Variants in SEMA6D observed in about 807,000 individuals in gnomAD.
The protein encoded by SEMA6D is semaphorin 6D.
A neutral mutation model predicts 106.6 loss-of-function variants in SEMA6D; 35 were observed. That is an observed-to-expected ratio of 0.33 (90% confidence interval 0.25 to 0.44). The LOEUF (loss-of-function observed/expected upper bound fraction) is 0.44, where lower values mean the gene tolerates loss of function less well. SEMA6D is among the 20% of genes least tolerant of loss of function. The probability of loss-of-function intolerance (pLI) is 1.00; values close to 1 mark genes in which losing one functional copy is unlikely to be tolerated. For synonymous variants in SEMA6D, 499 were observed against 487.7 expected, an observed-to-expected ratio of 1.02 and a Z score of -0.31; for missense variants, 1,185 against 1,345.9, an observed-to-expected ratio of 0.88 and a Z score of 1.87.
At chr15:47,677,188 T>C (rs1596604129) in intron 4 of SEMA6D, among the ~76,000 whole-genome samples, 1 of 151,958 alleles carries the variant, frequency 6.6e-6, no homozygotes, top group Non-Finnish European at 1.5e-5. Context: ...GACCTGGAGG[T>C]TGGGGACCCC....
intron 2 of SEMA6D, among the ~76,000 whole-genome samples, chr15:47,413,950 C>T (rs527675985): frequency 1.3e-5 from 2 of 152,262 alleles, no homozygotes; most frequent in South Asian, 4.1e-4. Flanking sequence ...TTTGGAAATT[C>T]AGCATTCATA....
chr15:47,453,936 C>T (rs1268523363), intron 2 of SEMA6D, among the ~76,000 whole-genome samples: 1 of 151,944 alleles, frequency 6.6e-6, no homozygotes, highest in Non-Finnish European at 1.5e-5. Flanking sequence ...TATTGATGCT[C>T]TTTTTGGCCA....
chr15:47,370,683 TAAAAA>T (rs376454672), intron 1 of SEMA6D, among the ~76,000 whole-genome samples: 11 of 95,178 alleles, frequency 1.2e-4, no homozygotes, highest in African/African-American at 3.2e-4. Flanking sequence ...CGTCTCTACT[TAAAAA>T]AAAAAAAAAA....
At chr15:47,678,625 A>G (rs557222900) in intron 4 of SEMA6D, among the ~76,000 whole-genome samples, 1 of 152,222 alleles carries the variant, frequency 6.6e-6, no homozygotes, top group Non-Finnish European at 1.5e-5. Context: ...TGGGAGTGGC[A>G]AAGTACTGAT....
At chr15:47,430,936 T>A (rs2041502303) in intron 2 of SEMA6D, among the ~76,000 whole-genome samples, 1 of 152,138 alleles carries the variant, frequency 6.6e-6, no homozygotes, top group African/African-American at 2.4e-5. Context: ...TCATGAGCCC[T>A]AGCCACGGAG....
chr15:47,721,344 GCATTGAATCTGTC>G (rs2079410762), intron 1 of SEMA6D, among the ~76,000 whole-genome samples: 1 of 152,160 alleles, frequency 6.6e-6, no homozygotes, highest in Non-Finnish European at 1.5e-5. Context: ...TGTAATTCAC[GCATTGAATCTGTC>G]CTTAGAGTGA....
intron 1 of SEMA6D, among the ~76,000 whole-genome samples, chr15:47,260,537 T>A (rs939001727): frequency 6.6e-6 from 1 of 152,124 alleles, no homozygotes; most frequent in Non-Finnish European, 1.5e-5. Context: ...CAGTGTCTTC[T>A]GGAGGGGAAA....
chr15:47,199,288 G>T lies in SEMA6D; in HGVS notation c.-239+14870G>T, dbSNP rs144761603. 3.1e-3 allele frequency among the ~76,000 whole-genome samples: 476 copies of T among 152,216 alleles called. 4 individuals carry two copies. Among genetic ancestry groups the T allele is most frequent in the African/African-American group, 0.011 (464 of 41,532 alleles). On this transcript the variant is annotated intron_variant, in intron 1 of 19. Coordinates refer to the SEMA6D transcript ENST00000558014. The stretch of plus-strand genomic sequence containing the variant: ...TTCAGCTGCTCTCATTACCAGCCAT[G>T]AATTACACCACCTGGAGAACTGCAA...
At chr15:47,449,345 A>G (rs1188893733) in intron 2 of SEMA6D, among the ~76,000 whole-genome samples, 1 of 152,094 alleles carries the variant, frequency 6.6e-6, no homozygotes, top group African/African-American at 2.4e-5. Flanking sequence ...GCTGGTGTCC[A>G]TTGGTCTAGA....
At chr15:47,216,702 G>A (rs1215941086) in intron 1 of SEMA6D, among the ~76,000 whole-genome samples, 1 of 151,890 alleles carries the variant, frequency 6.6e-6, no homozygotes, top group African/African-American at 2.4e-5. Flanking sequence ...GGACAAAAAA[G>A]ATAAATACTT....
At chr15:47,652,976 C>T (rs962610888) in intron 4 of SEMA6D, among the ~76,000 whole-genome samples, 3 of 152,182 alleles carry the variant, frequency 2.0e-5, no homozygotes, top group Admixed American at 2.0e-4. Context: ...ATACAAGAGC[C>T]TAGCACTCCT....
At chr15:47,734,068 G>C (rs1030211253) in intron 1 of SEMA6D, among the ~76,000 whole-genome samples, 3 of 152,128 alleles carry the variant, frequency 2.0e-5, no homozygotes, top group African/African-American at 4.8e-5. Context: ...GGGGTGGGAA[G>C]GTTTATCATG....
At chr15:47,351,124 A>G (rs1484120987) in intron 1 of SEMA6D, among the ~76,000 whole-genome samples, 12 of 152,140 alleles carry the variant, frequency 7.9e-5, no homozygotes, top group Non-Finnish European at 1.2e-4. Context: ...GTTTCTCTGC[A>G]TATCGCCTTC....
chr15:47,598,963 C>T (rs964553980), intron 3 of SEMA6D, among the ~76,000 whole-genome samples: 3 of 152,054 alleles, frequency 2.0e-5, no homozygotes, highest in South Asian at 2.1e-4. Context: ...CACAGCCTGA[C>T]GTCACTTTTC....
At chr15:47,516,750 G>A (rs1182662725) in intron 3 of SEMA6D, among the ~76,000 whole-genome samples, 1 of 152,130 alleles carries the variant, frequency 6.6e-6, no homozygotes, top group African/African-American at 2.4e-5. Flanking sequence ...TCATCAAAGT[G>A]ATGCGTATTG....
intron 4 of SEMA6D, among the ~76,000 whole-genome samples, chr15:47,633,078 G>A (rs1364034454): frequency 1.3e-5 from 2 of 151,992 alleles, no homozygotes; most frequent in Non-Finnish European, 2.9e-5. Flanking sequence ...ATTACCTTAA[G>A]TATATTCTCT....
At chr15:47,370,482 T>G (rs2039227871) in intron 1 of SEMA6D, among the ~76,000 whole-genome samples, 1 of 151,948 alleles carries the variant, frequency 6.6e-6, no homozygotes, top group Admixed American at 6.6e-5. Context: ...GCCACTGCAC[T>G]GCAGCCTGGG....
chr15:47,769,288 G>C (rs554024235), intron 18 of SEMA6D, among the ~76,000 whole-genome samples: 2 of 152,110 alleles, frequency 1.3e-5, no homozygotes, highest in African/African-American at 4.8e-5. Context: ...GCTGCCTGTT[G>C]AGTTAGCTTA....
rs117563645 is a variant in SEMA6D at position 47,356,673 on chromosome 15, A to G, written c.-238-55720A>G. Among the ~76,000 whole-genome samples the G allele has an allele frequency of 5.3e-5, 8 of 152,282 alleles. No homozygotes were observed. The East Asian group carries it at 1.5e-3, about 29-fold the overall frequency. On this transcript the variant is annotated intron_variant, in intron 1 of 19. Coordinates refer to the SEMA6D transcript ENST00000558014. ...CAGAAGGATAAAGAACAACTGAACA[A>G]AGTTTCCTATTGCAATTCAAATGCA...
Sources: gnomAD v4.1 joint callset for allele counts (sites outside exome capture counted in the v4.1 genomes callset) on GRCh38, gnomAD v4.1.1 for gene constraint, MANE v1.5 for transcripts, NCBI Gene and HGNC (gene_info 2026-07-23, HGNC 2026-07-21) for gene names.